CRMP1: variants seen among roughly 807,000 people sequenced by gnomAD.
CRMP1 encodes collapsin response mediator protein 1, also known as dihydropyrimidinase-related protein 1.
A neutral mutation model predicts 68.3 loss-of-function variants in CRMP1; 19 were observed. The observed-to-expected ratio is 0.28, with a 90% CI of 0.19 to 0.41. The LOEUF (loss-of-function observed/expected upper bound fraction) is 0.41. CRMP1 is among the 10% of genes least tolerant of loss of function. CRMP1 has a pLI of 1.00. For missense variants in CRMP1, 791 were observed against 967.4 expected (o/e 0.82, Z 2.42); for synonymous variants, 439 against 399.6 (o/e 1.10, Z -1.18).
intron 1 of CRMP1, among the ~76,000 whole-genome samples, chr4:5,875,746 T>G (rs1427517304): frequency 2.1e-4 from 4 of 18,914 alleles, no homozygotes; most frequent in Non-Finnish European, 5.1e-4. Flanking sequence ...TGAATTGACA[T>G]GGACACAGAG....
intron 6 of CRMP1, among the ~76,000 whole-genome samples, chr4:5,848,147 AT>A (rs200762390): frequency 0.04 from 5,554 of 139,054 alleles, 167 homozygotes; most frequent in African/African-American, 0.098. Flanking sequence ...CCCTGACTTC[AT>A]TTTTTTTTTT....
In CRMP1 at chr4:5,871,520, C is replaced by T. The variant is rs1024288355; in HGVS notation, c.382-4764G>A. 2.6e-5 allele frequency among the ~76,000 whole-genome samples: 4 copies of T among 152,074 alleles called. No homozygotes were observed. In the South Asian group the frequency reaches 8.3e-4, roughly 32 times the overall value. On this transcript the variant is annotated intron_variant, in intron 1 of 13. Transcript: ENST00000324989. Reference sequence around the variant, plus strand: ...CTAAAAATACAAAAAATTAGCCGGGCGTGGTGGCGCACGCCTGTGGTCCCA... The same window carrying T: ...CTAAAAATACAAAAAATTAGCCGGGTGTGGTGGCGCACGCCTGTGGTCCCA...
Position 5,855,644 on chromosome 4 carries a change from T to C in CRMP1, c.820+499A>G, listed in dbSNP as rs1456809424. Among the ~76,000 whole-genome samples, 2 of 151,898 alleles carry C rather than the reference T, an allele frequency of 1.3e-5. No homozygotes were observed. The highest frequency in any genetic ancestry group is 2.9e-5 in the Non-Finnish European group (2 of 67,992). On this transcript the variant is annotated intron_variant, in intron 4 of 13. Transcript: ENST00000324989. This position sits in a 1 kb window ranked among gnomAD's most constrained non-coding sequence, Gnocchi z 4.9. ...ACCATGTCCCATAATCCAGGAACAA[T>C]GGAAAAAGTGCCCCAAAGGAGGCCT...
intron 9 of CRMP1, among the ~76,000 whole-genome samples, chr4:5,837,697 T>TAAAATAAAATAAAATAAAATAAAAA (rs1188984429): frequency 1.3e-5 from 2 of 150,236 alleles, no homozygotes; most frequent in African/African-American, 2.5e-5. Context: ...TAAAATAAAA[T>TAAAATAAAATAAAATAAAATAAAAA]AAAAAATGAA....
chr4:5,855,288 G>A lies in CRMP1; in HGVS notation c.820+855C>T, dbSNP rs1487389170. Among the ~76,000 whole-genome samples the A allele has an allele frequency of 2.0e-5, 3 of 152,072 alleles. No homozygotes were observed. Among genetic ancestry groups the A allele is most frequent in the Non-Finnish European group, 2.9e-5 (2 of 68,024 alleles). ...ATATTGGGGATGATACTGTTATTACGAGAAAACATAGCACAGCTATTTTAA... is the reference window on the plus strand; with the variant it reads ...ATATTGGGGATGATACTGTTATTACAAGAAAACATAGCACAGCTATTTTAA... On this transcript the variant is annotated intron_variant, in intron 4 of 13. Transcript: ENST00000324989. The surrounding 1 kb of genome is among the most constrained non-coding windows in gnomAD (Gnocchi z 4.9).
In CRMP1 at chr4:5,888,643, G is replaced by T. The variant is rs968572013; in HGVS notation, c.381+3946C>A. 8 of 798,122 alleles carry T rather than the reference G, an allele frequency of 1.0e-5. No homozygotes were observed. The highest frequency in any genetic ancestry group is 4.1e-5 in the African/African-American group (1 of 24,412). The allele number at this position is 798,122 out of a possible 1,614,324, so 49.4% of individuals were successfully genotyped here. The stretch of plus-strand genomic sequence containing the variant: ...CCACCCCGCCCCCCGCCCCCCACCC[G>T]CCCAGCCCCGCCGACCCCCGCCCTG... On this transcript the variant is annotated intron_variant, in intron 1 of 13. Coordinates refer to ENST00000324989, the MANE Select transcript of CRMP1 (RefSeq NM_001014809.3). This position sits in a 1 kb window ranked among gnomAD's most constrained non-coding sequence, Gnocchi z 6.4.
Position 5,843,011 on chromosome 4 carries a change from TG to T in CRMP1, c.1032+81del. ...ACACGGGAAGAGGCCGGGTCCTGGC[TG>T]GGCTACTCCAGCTGGAACAGCATCA... On this transcript the variant is annotated intron_variant, in intron 7 of 13. Coordinates refer to ENST00000324989, the MANE Select transcript of CRMP1 (RefSeq NM_001014809.3). The surrounding 1 kb of genome is among the most constrained non-coding windows in gnomAD (Gnocchi z 4.1). The T allele has an allele frequency of 7.3e-7, 1 of 1,366,548 alleles. No individual in the cohort carries two copies. The highest frequency in any genetic ancestry group is 1.2e-5 in the South Asian group (1 of 84,888). 84.7% of individuals were successfully genotyped at this position (1,366,548 alleles called of 1,614,324 possible).
In CRMP1 at chr4:5,842,619, C is replaced by A. The variant is rs140691322; in HGVS notation, c.1032+474G>T. 0.011 allele frequency among the ~76,000 whole-genome samples: 1,668 copies of A among 147,298 alleles called. 28 individuals are homozygous for A. The highest frequency in any genetic ancestry group is 0.039 in the African/African-American group (1,557 of 40,190). Reference sequence around the variant, plus strand: ...TCTCTCACACACACACACACACACTCACTCACACACACACACACGCACTGT... The same window carrying A: ...TCTCTCACACACACACACACACACTAACTCACACACACACACACGCACTGT... On this transcript the variant is annotated intron_variant, in intron 7 of 13. Coordinates refer to ENST00000324989, the MANE Select transcript of CRMP1 (RefSeq NM_001014809.3). The surrounding 1 kb of genome is among the most constrained non-coding windows in gnomAD (Gnocchi z 4.5).
Position 5,891,357 on chromosome 4 carries a change from G to T in CRMP1, c.381+1232C>A, listed in dbSNP as rs1464403751. 1.3e-5 allele frequency among the ~76,000 whole-genome samples: 2 copies of T among 152,136 alleles called. No homozygotes were observed. Among genetic ancestry groups the T allele is most frequent in the Non-Finnish European group, 2.9e-5 (2 of 68,032 alleles). ...TTCCCTGCTCCTATTCCTCCAGGAA[G>T]CCCTCCCAGATATCTGCCCCGATCA... On this transcript the variant is annotated intron_variant, in intron 1 of 13. Coordinates refer to ENST00000324989, the MANE Select transcript of CRMP1 (RefSeq NM_001014809.3). The surrounding 1 kb of genome is among the most constrained non-coding windows in gnomAD (Gnocchi z 5.2).
At chr4:5,824,136 ATGTTTAATTGCAATTGTGCAG>A (rs1719151143) in intron 13 of CRMP1, among the ~76,000 whole-genome samples, 2 of 152,310 alleles carry the variant, frequency 1.3e-5, no homozygotes, top group South Asian at 4.1e-4. Context: ...TTTTCTGTCC[ATGTTTAATTGCAATTGTGCAG>A]TGTTTAATTG....
At chr4:5,864,434 CA>C (rs1713830733) in intron 2 of CRMP1, among the ~76,000 whole-genome samples, 1 of 152,246 alleles carries the variant, frequency 6.6e-6, no homozygotes, top group Non-Finnish European at 1.5e-5. Context: ...TCCCCACCCC[CA>C]ATCTGCCTTC....
At chr4:5,830,029 C>T (rs1453267838) in intron 11 of CRMP1, among the ~76,000 whole-genome samples, 2 of 152,214 alleles carry the variant, frequency 1.3e-5, no homozygotes, top group Non-Finnish European at 2.9e-5. Flanking sequence ...GTATATTAAA[C>T]TCCTGATCTC....
intron 1 of CRMP1, among the ~76,000 whole-genome samples, chr4:5,876,759 A>G (rs1391529739): frequency 6.6e-6 from 1 of 150,778 alleles, no homozygotes; most frequent in Non-Finnish European, 1.5e-5. Context: ...CCCTTCTGAA[A>G]ACTGATAGCA....
intron 13 of CRMP1, among the ~76,000 whole-genome samples, chr4:5,822,497 G>T (rs868688605): frequency 4.1e-5 from 5 of 120,622 alleles, no homozygotes; most frequent in African/African-American, 7.9e-5. Flanking sequence ...ATCTGAAGGG[G>T]GGGGGGGTGG....
chr4:5,840,459 C>T (rs926838993), intron 8 of CRMP1, among the ~76,000 whole-genome samples: 2 of 152,208 alleles, frequency 1.3e-5, no homozygotes, highest in Non-Finnish European at 2.9e-5. Flanking sequence ...CCACCTGCTG[C>T]CCAGTAGGAG....
rs1713932062 is a variant in CRMP1, at chr4:5,865,557, G to A, written c.470+1111C>T. 6.7e-6 allele frequency among the ~76,000 whole-genome samples: 1 copy of A among 150,122 alleles called. No individual in the cohort carries two copies. Among genetic ancestry groups the A allele is most frequent in the African/African-American group, 2.5e-5 (1 of 40,452 alleles). ...AGTCGATTGAACCCGGGAAGTGGAGGTTGCAGTGAGCCGAGATTGTGCCAC... is the reference window on the plus strand; with the variant it reads ...AGTCGATTGAACCCGGGAAGTGGAGATTGCAGTGAGCCGAGATTGTGCCAC... On this transcript the variant is annotated intron_variant, in intron 2 of 13. Transcript: ENST00000324989. The surrounding 1 kb of genome is among the most constrained non-coding windows in gnomAD (Gnocchi z 4.1).
intron 12 of CRMP1, chr4:5,828,176 G>A (rs1193079014): frequency 1.0e-6 from 1 of 985,428 alleles, no homozygotes; most frequent in South Asian, 4.7e-5. Flanking sequence ...GGGTGGGCAG[G>A]ATTACTTAAG....
At chr4:5,828,692 C>T (rs371209940) in intron 11 of CRMP1, 24 bp from the exon 12 acceptor site, 2 of 1,607,728 alleles carry the variant, frequency 1.2e-6, no homozygotes, top group African/African-American at 1.3e-5. Flanking sequence ...CTCAGTGTTA[C>T]TTCCCAGGAT....
At chr4:5,824,896 G>A in intron 13 of CRMP1, 13 of 985,396 alleles carry the variant, frequency 1.3e-5, no homozygotes, top group Non-Finnish European at 1.6e-5. Flanking sequence ...GAGACCTTAA[G>A]AAAGTCAGGA....
Sources: allele counts gnomAD v4.1 joint callset (sites outside exome capture counted in the v4.1 genomes callset), GRCh38; gene constraint gnomAD v4.1.1; non-coding constraint Gnocchi (gnomAD v3.1); transcripts MANE v1.5; gene names NCBI Gene and HGNC (gene_info 2026-07-23, HGNC 2026-07-21).